CELF2: variants seen among roughly 807,000 people sequenced by gnomAD.
CELF2 encodes CUG triplet repeat RNA-binding protein 2.
CELF2 carries 8 observed loss-of-function variants against 62.6 expected under a neutral mutation model. The ratio of observed to expected loss-of-function variants is 0.13; its 90% CI spans 0.07 to 0.23. CELF2 has a LOEUF of 0.23. Among genes scored for constraint, CELF2 ranks in the 10% least tolerant of loss-of-function variants. CELF2 has a pLI of 1.00. For missense variants in CELF2, 333 were observed against 671.0 expected, an observed-to-expected ratio of 0.50 and a Z score of 5.56; for synonymous variants, 258 against 250.0, an observed-to-expected ratio of 1.03 and a Z score of -0.30.
chr10:10,611,343 C>T, the CELF2 span, among the ~76,000 whole-genome samples: 46 of 152,228 alleles, frequency 3.0e-4, no homozygotes, highest in South Asian at 1.5e-3. Context: ...TCTTACTTTA[C>T]GAAAATTTTG....
At chr10:11,262,404 A>G (rs1416720442) in intron 5 of CELF2, among the ~76,000 whole-genome samples, 1 of 152,206 alleles carries the variant, frequency 6.6e-6, no homozygotes, top group East Asian at 1.9e-4. Flanking sequence ...GTACACAGAA[A>G]TGAATCAGTT....
chr10:10,737,984 A>C, the CELF2 span, among the ~76,000 whole-genome samples: 3 of 152,154 alleles, frequency 2.0e-5, no homozygotes, highest in Non-Finnish European at 4.4e-5. Flanking sequence ...TCTGACATCA[A>C]GCTCAACAGC....
intron 1 of CELF2, among the ~76,000 whole-genome samples, chr10:11,079,704 G>T (rs1332078190): frequency 6.6e-6 from 1 of 151,042 alleles, no homozygotes; most frequent in Non-Finnish European, 1.5e-5. Context: ...TCAGTCTTGG[G>T]TATTTCTTCA....
the CELF2 span, among the ~76,000 whole-genome samples, chr10:10,676,822 G>T: frequency 6.6e-6 from 1 of 152,090 alleles, no homozygotes; most frequent in African/African-American, 2.4e-5. Context: ...TTGTTATTAG[G>T]GGGGAGTGAC....
Position 11,260,102 on chromosome 10 carries a change from T to C in CELF2, c.538+2230T>C, listed in dbSNP as rs150436694. Among the ~76,000 whole-genome samples, 7 of 152,338 alleles carry C rather than the reference T, an allele frequency of 4.6e-5. No homozygotes were observed. The East Asian group carries it at 9.6e-4, about 21-fold the overall frequency. On this transcript the variant is annotated intron_variant, in intron 5 of 12. Coordinates refer to ENST00000633077, the MANE Select transcript of CELF2 (RefSeq NM_001326342.2). The surrounding 1 kb of genome is among the most constrained non-coding windows in gnomAD (Gnocchi z 4.2). The stretch of plus-strand genomic sequence containing the variant: ...CTTCTACTGAAATGAAATAGAACTT[T>C]AGTCATTTTATTTTCTTACCTCTGT...
chr10:10,982,828 A>G (rs1276084247), intron 2 of CELF2, among the ~76,000 whole-genome samples: 1 of 151,960 alleles, frequency 6.6e-6, no homozygotes, highest in Non-Finnish European at 1.5e-5. Flanking sequence ...ACTACCCTCA[A>G]ATCTTCAACT....
At position 11,262,940 on chromosome 10, in the gene CELF2, C is replaced by CTTTTTTTTTTTTTTTTTTTT. The variant is rs553831640; in HGVS notation, c.539-3650_539-3631dup. Among the ~76,000 whole-genome samples the CTTTTTTTTTTTTTTTTTTTT allele has an allele frequency of 8.1e-3, 425 of 52,764 alleles. 130 individuals carry two copies. Among genetic ancestry groups the CTTTTTTTTTTTTTTTTTTTT allele is most frequent in the East Asian group, 0.014 (15 of 1,036 alleles). The allele number at this position is 52,764 out of a possible 152,430, so 34.6% of individuals were successfully genotyped here. A position where few individuals can be genotyped will look rare whatever the true frequency, so the allele number is the denominator to read the frequency against. The stretch of plus-strand genomic sequence containing the variant: ...GTTCATGCTTTTAAAAGTGGCTTTA[C>CTTTTTTTTTTTTTTTTTTTT]TTTTTTTTTTTTTTTTTTTTTTTTT... On this transcript the variant is annotated intron_variant, in intron 5 of 12. Coordinates refer to ENST00000633077, the MANE Select transcript of CELF2 (RefSeq NM_001326342.2).
chr10:10,701,319 T>C, the CELF2 span, among the ~76,000 whole-genome samples: 1 of 152,232 alleles, frequency 6.6e-6, no homozygotes, highest in South Asian at 2.1e-4. Context: ...AGGACAAGTA[T>C]GAGCTCGGCT....
chr10:10,605,934 C>T, the CELF2 span, among the ~76,000 whole-genome samples: 21 of 152,330 alleles, frequency 1.4e-4, no homozygotes, highest in African/African-American at 4.8e-4. Flanking sequence ...GCATTTGCAT[C>T]ATGTGCCTGT....
Position 10,837,009 on chromosome 10 carries a change from C to A in CELF2, c.53+38192C>A, listed in dbSNP as rs796971339. Reference sequence around the variant, plus strand: ...TTGAACTAATCCTAAGTATTTCTTACCTCTGCACCTTTGCCTACAAGAACT... The same window carrying A: ...TTGAACTAATCCTAAGTATTTCTTAACTCTGCACCTTTGCCTACAAGAACT... On this transcript the variant is annotated intron_variant, in intron 1 of 13. Transcript: ENST00000636488. Among the ~76,000 whole-genome samples, 10 of 152,258 alleles carry A rather than the reference C, an allele frequency of 6.6e-5. 1 individual carries two copies. Among genetic ancestry groups the A allele is most frequent in the African/African-American group, 2.2e-4 (9 of 41,530 alleles).
At chr10:10,855,914 G>C (rs1591233821) in intron 1 of CELF2, among the ~76,000 whole-genome samples, 1 of 152,040 alleles carries the variant, frequency 6.6e-6, no homozygotes, top group African/African-American at 2.4e-5. Flanking sequence ...AGGCCCAAGA[G>C]ACCCCACAGT....
At chr10:10,470,743 T>C in the CELF2 span, among the ~76,000 whole-genome samples, 1 of 151,160 alleles carries the variant, frequency 6.6e-6, no homozygotes, top group African/African-American at 2.4e-5. Context: ...ATAATCTCCC[T>C]ATCTCAAAGT....
chr10:10,565,521 G>A, the CELF2 span, among the ~76,000 whole-genome samples: 1 of 152,204 alleles, frequency 6.6e-6, no homozygotes, highest in African/African-American at 2.4e-5. Context: ...AAGCAGATGT[G>A]TTGGATGAGC....
chr10:10,795,315 AT>A (rs911571928), upstream of CELF2, among the ~76,000 whole-genome samples: 32 of 149,702 alleles, frequency 2.1e-4, no homozygotes, highest in African/African-American at 6.9e-4. Flanking sequence ...GCCAAAAAAA[AT>A]TTTTTTTTTA....
the CELF2 span, among the ~76,000 whole-genome samples, chr10:10,654,944 CG>C: frequency 7.0e-6 from 1 of 142,424 alleles, no homozygotes; most frequent in South Asian, 2.6e-4. Flanking sequence ...TGTTTGCAGA[CG>C]ACATGATTGT....
At chr10:10,636,192 A>C in the CELF2 span, among the ~76,000 whole-genome samples, 2 of 152,164 alleles carry the variant, frequency 1.3e-5, no homozygotes, top group Non-Finnish European at 2.9e-5. Flanking sequence ...TGTTTTAAAG[A>C]ATTCTCTGCA....
chr10:11,072,980 ATATAT>A (rs1400141066), intron 1 of CELF2, among the ~76,000 whole-genome samples: 12 of 152,050 alleles, frequency 7.9e-5, no homozygotes, highest in South Asian at 4.1e-4. Context: ...CTATTACATT[ATATAT>A]TATAAGTTAT....
At chr10:10,487,442 G>A in the CELF2 span, among the ~76,000 whole-genome samples, 13 of 152,262 alleles carry the variant, frequency 8.5e-5, no homozygotes, top group African/African-American at 2.4e-4. Context: ...CTAAAGCTTT[G>A]TACATTAAAT....
chr10:11,235,360 C>T (rs2070804362), intron 3 of CELF2, among the ~76,000 whole-genome samples: 1 of 152,220 alleles, frequency 6.6e-6, no homozygotes, highest in Non-Finnish European at 1.5e-5. Flanking sequence ...TCTGTGTTTA[C>T]CTTTGCCATT....
Sources: allele counts gnomAD v4.1 joint callset (sites outside exome capture counted in the v4.1 genomes callset), GRCh38; gene constraint gnomAD v4.1.1; non-coding constraint Gnocchi (gnomAD v3.1); transcripts MANE v1.5; gene names NCBI Gene and HGNC (gene_info 2026-07-23, HGNC 2026-07-21).